Variants in TXLNA observed in about 807,000 individuals in gnomAD.
TXLNA encodes the protein taxilin alpha, also known as alpha-taxilin.
In TXLNA, 9 loss-of-function variants were observed where a neutral mutation model predicts 61.4. The observed-to-expected ratio is 0.15, with a 90% CI of 0.09 to 0.26. The LOEUF (loss-of-function observed/expected upper bound fraction) is 0.26, where lower values mean the gene tolerates loss of function less well. TXLNA is among the 10% of genes least tolerant of loss of function. The pLI is 1.00. For synonymous variants in TXLNA, 257 were observed against 267.7 expected, an observed-to-expected ratio of 0.96 and a Z score of 0.39; for missense variants, 565 against 688.8, an observed-to-expected ratio of 0.82 and a Z score of 2.01.
chr1:32,194,712 G>T (rs75195148), intron 10 of TXLNA, among the ~76,000 whole-genome samples, 190 bp from the exon 11 acceptor site: 1 of 152,110 alleles, frequency 6.6e-6, no homozygotes, highest in African/African-American at 2.4e-5. Context: ...TCTCCAAGCC[G>T]TGCCCCTTTT....
Position 32,195,103 on chromosome 1 carries a change from A to C in TXLNA, c.1549A>C (p.Arg517=). The C allele has an allele frequency of 1.7e-5, 27 of 1,614,144 alleles. No individual in the cohort carries two copies. The highest frequency in any genetic ancestry group is 2.3e-5 in the Non-Finnish European group (27 of 1,179,996). ...TGGGGCTCAAGCACCCAGCTCCCCCAGGGTCACAGAAGCGCCTTGCTACCC... is the reference window on the plus strand; with the variant it reads ...TGGGGCTCAAGCACCCAGCTCCCCCCGGGTCACAGAAGCGCCTTGCTACCC... ...GPGAQAPSSP[R]VTEAPCYPGA... is the part of the protein sequence containing the mutation. The change falls in exon 11 of 11, where the codon AGG becomes CGG. Residue 517 remains arginine, a synonymous_variant. Transcript: ENST00000373610.
At chr1:32,187,475 A>C (rs1642812028) in intron 4 of TXLNA, among the ~76,000 whole-genome samples, 1 of 152,102 alleles carries the variant, frequency 6.6e-6, no homozygotes. Context: ...TTGATACTGA[A>C]GTGGCCACAA....
At chr1:32,180,618 T>C (rs1642633943) in intron 2 of TXLNA, 104 bp downstream of exon 2, 1 of 1,414,274 alleles carries the variant, frequency 7.1e-7, no homozygotes, top group South Asian at 1.5e-5. Context: ...GAGGAGGAGA[T>C]GTAGAATGAG....
In TXLNA at chr1:32,190,118, C is replaced by G; in HGVS notation, c.832C>G (p.Gln278Glu). The G allele has an allele frequency of 1.6e-5, 25 of 1,594,796 alleles. No homozygotes were observed. The highest frequency in any genetic ancestry group is 2.0e-5 in the Non-Finnish European group (24 of 1,170,838). Reference sequence around the variant, plus strand: ...GCGCAAGGAGGTGACCTCGCACTTCCAGGTGACACTGAATGACATTCAGCT... The same window carrying G: ...GCGCAAGGAGGTGACCTCGCACTTCGAGGTGACACTGAATGACATTCAGCT... ...EKRKEVTSHF[Q>E]VTLNDIQLQM... Residue 278 changes from glutamine (Q) to glutamate (E), a missense_variant, in exon 6 of 11, where the codon CAG becomes GAG. Transcript: ENST00000373610.
In TXLNA at chr1:32,195,277, C is replaced by T; in HGVS notation, c.*82C>T. On this transcript the variant is annotated 3_prime_UTR_variant, in exon 11 of 11. Coordinates refer to ENST00000373610, the MANE Select transcript of TXLNA (RefSeq NM_175852.4). ...CATAAAAGGCTCCCATGCTGAGCAG[C>T]CCATTGCTGAAGCCAGGATGTTCTG... The T allele has an allele frequency of 3.5e-6, 5 of 1,438,692 alleles. No homozygotes were observed. The highest frequency in any genetic ancestry group is 4.6e-6 in the Non-Finnish European group (5 of 1,078,224). The allele number at this position is 1,438,692 out of a possible 1,614,324, so 89.1% of individuals were successfully genotyped here.
Position 32,181,484 on chromosome 1 carries a change from G to C in TXLNA, c.412G>C (p.Gly138Arg), listed in dbSNP as rs763048775. 6.2e-7 allele frequency: 1 copy of C among 1,611,914 alleles called. No homozygotes were observed. Among genetic ancestry groups the C allele is most frequent in the South Asian group, 1.1e-5 (1 of 90,746 alleles). The change falls in exon 3 of 11, where the codon GGG (glycine) becomes CGG (arginine). Residue 138 changes from glycine (G) to arginine (R), a missense_variant. Around this residue, in one of 2 missense-constraint regions of TXLNA, gnomAD observed 192 missense variants for 184.8 expected, o/e 1.04. Transcript: ENST00000373610. ...CAATGGAGAGAAGGAACCCTCCAAG[G>C]GGGATCCAAACACAGAAGAGATCCG... ...VVNGEKEPSK[G>R]DPNTEEIRQS...
At position 32,192,604 on chromosome 1, in the gene TXLNA, A is replaced by G; in HGVS notation, c.1084-53A>G. The G allele has an allele frequency of 6.2e-7, 1 of 1,609,334 alleles. No individual in the cohort carries two copies. Among genetic ancestry groups the G allele is most frequent in the Non-Finnish European group, 8.5e-7 (1 of 1,175,878 alleles). ...GTCTGGTGCTTGTGGCTAAAAACCA[A>G]ACATAGCCCCTGGGGGCTTCTGACA... is the stretch of plus-strand genomic sequence containing the variant. On this transcript the variant is annotated intron_variant, in intron 7 of 10. Transcript: ENST00000373610. The surrounding 1 kb of genome is among the most constrained non-coding windows in gnomAD (Gnocchi z 4.2).
At chr1:32,183,776 C>T (rs904327090) in intron 3 of TXLNA, among the ~76,000 whole-genome samples, 1 of 149,106 alleles carries the variant, frequency 6.7e-6, no homozygotes, top group Non-Finnish European at 1.5e-5. Context: ...CTCGCTCTGT[C>T]ACCAAGCTGG....
intron 3 of TXLNA, 113 bp downstream of exon 3, chr1:32,181,690 C>A: frequency 9.7e-7 from 1 of 1,030,752 alleles, no homozygotes; most frequent in Non-Finnish European, 1.4e-6. Context: ...CTTCTCAGAG[C>A]AGCAAGTCAC....
chr1:32,185,206 A>G (rs1642754764), intron 4 of TXLNA, among the ~76,000 whole-genome samples: 1 of 152,158 alleles, frequency 6.6e-6, no homozygotes, highest in African/African-American at 2.4e-5. Context: ...TAAGTACTTC[A>G]TGTTCCATCA....
rs1238445367 is a variant in TXLNA, at chr1:32,192,483, T to C, written c.1083+53T>C. ...GGGGGTGGGAGGAGACAGGCTGGGCTCTGGCTCAGCTCATAGCCGGGTTAT... is the reference window on the plus strand; with the variant it reads ...GGGGGTGGGAGGAGACAGGCTGGGCCCTGGCTCAGCTCATAGCCGGGTTAT... On this transcript the variant is annotated intron_variant, in intron 7 of 10. Transcript: ENST00000373610. The surrounding 1 kb of genome is among the most constrained non-coding windows in gnomAD (Gnocchi z 4.2). 1 of 1,607,282 alleles carries C rather than the reference T, an allele frequency of 6.2e-7. No homozygotes were observed. Among genetic ancestry groups the C allele is most frequent in the Non-Finnish European group, 8.5e-7 (1 of 1,175,434 alleles).
Position 32,192,228 on chromosome 1 carries a change from A to G in TXLNA, c.964-83A>G. On this transcript the variant is annotated intron_variant, in intron 6 of 10. Transcript: ENST00000373610. This position sits in a 1 kb window ranked among gnomAD's most constrained non-coding sequence, Gnocchi z 4.2. ...TCAGATTGAGATGGGGGGCTGGGCA[A>G]AGTGCCCTGGTCTGTGGCTGTGGGG... The G allele has an allele frequency of 1.9e-6, 3 of 1,564,638 alleles. No individual in the cohort carries two copies. The highest frequency in any genetic ancestry group is 2.6e-6 in the Non-Finnish European group (3 of 1,149,160).
Position 32,195,748 on chromosome 1 carries a change from T to G in TXLNA, c.*553T>G. 1 of 456,320 alleles carries G rather than the reference T, an allele frequency of 2.2e-6. No homozygotes were observed. The highest frequency in any genetic ancestry group is 1.5e-5 in the South Asian group (1 of 64,572). The allele number at this position is 456,320 out of a possible 1,614,324, so 28.3% of individuals were successfully genotyped here. ...CTGGCAGGGCGCTCAGAGCTGGGGA[T>G]TTCCTGCCTGGAACAAGGGACCTGG... On this transcript the variant is annotated 3_prime_UTR_variant, in exon 11 of 11. Coordinates refer to ENST00000373610, the MANE Select transcript of TXLNA (RefSeq NM_175852.4).
chr1:32,190,262 C>A lies in TXLNA; in HGVS notation c.963+13C>A, dbSNP rs1467955667. 1.9e-6 allele frequency: 3 copies of A among 1,578,536 alleles called. No individual in the cohort carries two copies. The highest frequency in any genetic ancestry group is 2.6e-6 in the Non-Finnish European group (3 of 1,156,254). ...GCTGCGCGAGGAGGTAAGGGTATCA[C>A]GGACAGCAGTCATGGCCCAGAAATT... On this transcript the variant is annotated intron_variant, in intron 6 of 10. Coordinates refer to ENST00000373610, the MANE Select transcript of TXLNA (RefSeq NM_175852.4).
At position 32,190,219 on chromosome 1, in the gene TXLNA, G is replaced by A. The variant is rs1346782327; in HGVS notation, c.933G>A (p.Lys311=). Residue 311 remains lysine (K), a synonymous_variant, in exon 6 of 11, where the codon AAG becomes AAA. Coordinates refer to ENST00000373610, the MANE Select transcript of TXLNA (RefSeq NM_175852.4). The stretch of plus-strand genomic sequence containing the variant: ...TGGAGCTGGCTGAGAGGCTCAAGAA[G>A]CTGATTGAGCAGTATGAGCTGCGCG... ...ENMELAERLK[K]LIEQYELREE... 2 of 1,605,624 alleles carry A rather than the reference G, an allele frequency of 1.2e-6. No homozygotes were observed. Among genetic ancestry groups the A allele is most frequent in the Non-Finnish European group, 8.5e-7 (1 of 1,175,762 alleles).
At position 32,181,577 on chromosome 1, in the gene TXLNA, G is replaced by A; in HGVS notation, c.505G>A (p.Gly169Arg). 1 of 1,532,010 alleles carries A rather than the reference G, an allele frequency of 6.5e-7. No individual in the cohort carries two copies. The allele number at this position is 1,532,010 out of a possible 1,614,324, so 94.9% of individuals were successfully genotyped here. The change falls in exon 3 of 11, where the codon GGG becomes AGG. Residue 169 changes from glycine to arginine, a missense_variant and splice_region_variant. This residue lies in a region of TXLNA where 373 missense variants were observed against 504.0 expected (regional missense o/e 0.74). Transcript: ENST00000373610. The part of the protein sequence containing the change: ...PQEKKKAKGL[G>R]KEITLLMQTL... The stretch of plus-strand genomic sequence containing the variant: ...GGAGAAGAAAAAAGCCAAGGGTTTG[G>A]GTGAGCAGAGGGCGGCTCTTTGTGA...
chr1:32,184,505 T>A lies in TXLNA; in HGVS notation c.506-20T>A, dbSNP rs759756139. The A allele has an allele frequency of 3.2e-6, 5 of 1,582,904 alleles. No individual in the cohort carries two copies. The highest frequency in any genetic ancestry group is 3.5e-6 in the Non-Finnish European group (4 of 1,152,098). ...ACACCTGGAGAAGAGGGTGCATGTC[T>A]TTGCTCCTGTGCTTTTCAGGGAAGG... On this transcript the variant is annotated intron_variant, in intron 3 of 10. Transcript: ENST00000373610.
At position 32,194,049 on chromosome 1, in the gene TXLNA, C is replaced by G. The variant is rs1397302200; in HGVS notation, c.1252-16C>G. 6.2e-7 allele frequency: 1 copy of G among 1,607,358 alleles called. No individual in the cohort carries two copies. The highest frequency in any genetic ancestry group is 8.5e-7 in the Non-Finnish European group (1 of 1,175,674). On this transcript the variant is annotated splice_polypyrimidine_tract_variant and intron_variant, in intron 9 of 10. Coordinates refer to ENST00000373610, the MANE Select transcript of TXLNA (RefSeq NM_175852.4). ...GCCAGCTCTGACCATTTCCTTCTGTCTGTCACATAACCTAGATGACTAAGA... is the reference window on the plus strand; with the variant it reads ...GCCAGCTCTGACCATTTCCTTCTGTGTGTCACATAACCTAGATGACTAAGA...
At position 32,192,790 on chromosome 1, in the gene TXLNA, G is replaced by A; in HGVS notation, c.1158+59G>A. On this transcript the variant is annotated intron_variant, in intron 8 of 10. Coordinates refer to ENST00000373610, the MANE Select transcript of TXLNA (RefSeq NM_175852.4). The surrounding 1 kb of genome is among the most constrained non-coding windows in gnomAD (Gnocchi z 4.2). ...GTTTCCCTCACTGGGCCCCATCCTG[G>A]GGGTAGTGAAATGGGACCCTCATTC... is the stretch of plus-strand genomic sequence containing the variant. 6.3e-7 allele frequency: 1 copy of A among 1,575,646 alleles called. No homozygotes were observed. Among genetic ancestry groups the A allele is most frequent in the Non-Finnish European group, 8.7e-7 (1 of 1,145,884 alleles).
Sources: gnomAD v4.1 joint callset for allele counts (sites outside exome capture counted in the v4.1 genomes callset) on GRCh38, gnomAD v4.1.1 for gene constraint, gnomAD v4.1.1 regional missense constraint, Gnocchi (gnomAD v3.1) non-coding constraint, MANE v1.5 for transcripts, NCBI Gene and HGNC (gene_info 2026-07-23, HGNC 2026-07-21) for gene names.